Variants in CEP128 observed in about 807,000 individuals in gnomAD.
CEP128 encodes the protein centrosomal protein 128, also known as centrosomal protein 128kDa.
In CEP128, 132 loss-of-function variants were observed where a neutral mutation model predicts 156.7. That is an observed-to-expected ratio of 0.84 (90% confidence interval 0.73 to 0.97). CEP128 has a LOEUF of 0.97. Ranked by LOEUF, CEP128 falls within the 50% of genes least tolerant of loss-of-function variation. CEP128 has a pLI of 0.00. For synonymous variants in CEP128, 469 were observed against 448.9 expected (o/e 1.04, Z -0.57); for missense variants, 1,252 against 1,281.9 (o/e 0.98, Z 0.36).
chr14:80,615,124 C>T (rs1893157091), intron 19 of CEP128, among the ~76,000 whole-genome samples: 1 of 152,156 alleles, frequency 6.6e-6, no homozygotes, highest in African/African-American at 2.4e-5. Context: ...CAGCTCAGTG[C>T]TATGACCCAA....
At chr14:80,492,900 A>AT (rs1029078450), downstream of CEP128, among the ~76,000 whole-genome samples, 1 of 151,978 alleles carries the variant, frequency 6.6e-6, no homozygotes, top group Non-Finnish European at 1.5e-5. Context: ...CCCTCAGAAT[A>AT]TTTTTTTACT....
chr14:80,485,540 C>T (rs971713790), downstream of CEP128, among the ~76,000 whole-genome samples: 8 of 152,122 alleles, frequency 5.3e-5, no homozygotes, highest in South Asian at 2.1e-4. Flanking sequence ...TATATGCATA[C>T]TGAAACATAT....
chr14:80,676,883 C>T (rs1447744669), intron 19 of CEP128, among the ~76,000 whole-genome samples: 1 of 152,054 alleles, frequency 6.6e-6, no homozygotes, highest in African/African-American at 2.4e-5. Context: ...CCAACCTGAC[C>T]ATTTTATATG....
chr14:80,801,247 G>C lies in CEP128; in HGVS notation c.1210-8137C>G, dbSNP rs138742491. Among the ~76,000 whole-genome samples the C allele has an allele frequency of 2.4e-3, 372 of 152,220 alleles. 1 individual carries two copies. The highest frequency in any genetic ancestry group is 8.3e-3 in the African/African-American group (346 of 41,538). ...CTTTATTTGTTTCTCTTGCCTGACT[G>C]CCTTGGCCAGAACTTCCAATACTAT... On this transcript the variant is annotated intron_variant, in intron 13 of 24. Coordinates refer to ENST00000555265, the MANE Select transcript of CEP128 (RefSeq NM_152446.5).
At chr14:80,831,318 C>T (rs1319447128) in intron 12 of CEP128, 24 bp from the exon 13 acceptor site, 3 of 1,611,866 alleles carry the variant, frequency 1.9e-6, no homozygotes, top group Admixed American at 1.7e-5. Context: ...ATGTAAGGCT[C>T]AAGGGTTGTT....
At chr14:80,680,344 G>A (rs745663052) in intron 19 of CEP128, among the ~76,000 whole-genome samples, 49 of 152,182 alleles carry the variant, frequency 3.2e-4, no homozygotes, top group Non-Finnish European at 5.9e-4. Context: ...CAGGTATTTG[G>A]AGCACCCACT....
downstream of CEP128, among the ~76,000 whole-genome samples, chr14:80,488,797 TGCA>T (rs1205580558): frequency 2.4e-5 from 3 of 123,024 alleles, no homozygotes; most frequent in African/African-American, 7.9e-5. Flanking sequence ...TGGAATACTA[TGCA>T]GCCATAAAAA....
chr14:80,887,696 C>T (rs1342976815), intron 8 of CEP128, among the ~76,000 whole-genome samples: 1 of 151,962 alleles, frequency 6.6e-6, no homozygotes, highest in African/African-American at 2.4e-5. Context: ...AAAATCGATA[C>T]CCTAACATCA....
chr14:80,628,703 C>T (rs1208668943), intron 19 of CEP128, among the ~76,000 whole-genome samples: 1 of 152,064 alleles, frequency 6.6e-6, no homozygotes, highest in African/African-American at 2.4e-5. Flanking sequence ...CTTTTGGCAA[C>T]AGGGAATGGT....
At chr14:80,566,656 G>A (rs1890921636) in intron 20 of CEP128, among the ~76,000 whole-genome samples, 1 of 152,184 alleles carries the variant, frequency 6.6e-6, no homozygotes, top group African/African-American at 2.4e-5. Flanking sequence ...GTCAGTGAAA[G>A]AAGTTTGTCT....
rs536210096 is a variant in CEP128, at chr14:80,570,686, T to C, written c.2856+9688A>G. On this transcript the variant is annotated intron_variant, in intron 20 of 24. Transcript: ENST00000555265. Reference sequence around the variant, plus strand: ...TAACAGCCCAGCAAAATGGAACTAATGGAAATATCATATGCATACAGTGAG... The same window carrying C: ...TAACAGCCCAGCAAAATGGAACTAACGGAAATATCATATGCATACAGTGAG... Among the ~76,000 whole-genome samples, 188 of 152,254 alleles carry C rather than the reference T, an allele frequency of 1.2e-3. 1 individual carries two copies. The highest frequency in any genetic ancestry group is 4.4e-3 in the African/African-American group (184 of 41,548).
At chr14:80,806,286 C>A (rs1421964009) in intron 13 of CEP128, among the ~76,000 whole-genome samples, 1 of 152,126 alleles carries the variant, frequency 6.6e-6, no homozygotes, top group Admixed American at 6.6e-5. Context: ...AAGCAAACTA[C>A]AGAAAATCAT....
intron 24 of CEP128, among the ~76,000 whole-genome samples, chr14:80,504,202 C>T (rs1237365999): frequency 6.6e-6 from 1 of 152,146 alleles, no homozygotes; most frequent in East Asian, 1.9e-4. Flanking sequence ...TGAGTATTTA[C>T]TATTTGCCAA....
At chr14:80,944,851 A>ACC (rs1566731097), upstream of CEP128, among the ~76,000 whole-genome samples, 3 of 106,224 alleles carry the variant, frequency 2.8e-5, no homozygotes, top group African/African-American at 9.7e-5. Flanking sequence ...AAAAAAAAAA[A>ACC]AAAAAACAGA....
chr14:80,707,008 T>G (rs1897257040), intron 19 of CEP128, among the ~76,000 whole-genome samples: 1 of 152,162 alleles, frequency 6.6e-6, no homozygotes, highest in South Asian at 2.1e-4. Context: ...TTTGTTGAGA[T>G]TATCCATTTG....
intron 19 of CEP128, among the ~76,000 whole-genome samples, chr14:80,732,471 G>GGT (rs10672093): frequency 0.22 from 28,005 of 127,412 alleles, 3,190 homozygotes; most frequent in Admixed American, 0.27. Context: ...TGATTAAGCA[G>GGT]GTGTGTGTGT....
At chr14:80,902,974 ATAAAC>A (rs887638347) in intron 6 of CEP128, among the ~76,000 whole-genome samples, 3 of 152,202 alleles carry the variant, frequency 2.0e-5, no homozygotes, top group Non-Finnish European at 4.4e-5. Context: ...TACATTGAAA[ATAAAC>A]TAGTTTATCT....
rs1001570537 is a variant in CEP128 at position 80,526,894 on chromosome 14, G to A, written c.3047C>T (p.Thr1016Ile). The change falls in exon 23 of 25, where the codon ACC becomes ATC. Residue 1016 changes from threonine to isoleucine, a missense_variant. Coordinates refer to ENST00000555265, the MANE Select transcript of CEP128 (RefSeq NM_152446.5). ...TTTGAAACTTTTGGTTCTGTACTTG[G>A]TGTCATCTTGGTGATGCTGAAGAGA... ...RNSLQHHQDD[T>I]KYRTKSFKGD... 2.6e-5 allele frequency: 41 copies of A among 1,606,312 alleles called. No individual in the cohort carries two copies. Among genetic ancestry groups the A allele is most frequent in the Non-Finnish European group, 3.5e-5 (41 of 1,174,086 alleles).
chr14:80,517,816 T>A (rs1888559022), intron 23 of CEP128, among the ~76,000 whole-genome samples: 1 of 152,114 alleles, frequency 6.6e-6, no homozygotes, highest in African/African-American at 2.4e-5. Context: ...CAACTAGTGT[T>A]CAGCTTGATT....
Sources: gnomAD v4.1 joint callset for allele counts (sites outside exome capture counted in the v4.1 genomes callset) on GRCh38, gnomAD v4.1.1 for gene constraint, MANE v1.5 for transcripts, NCBI Gene and HGNC (gene_info 2026-07-23, HGNC 2026-07-21) for gene names.